Variants in UGT2B17 observed in about 807,000 individuals in gnomAD.
UGT2B17 encodes the protein UDP glucuronosyltransferase family 2 member B17.
A neutral mutation model predicts 48.2 loss-of-function variants in UGT2B17; 21 were observed. The observed-to-expected ratio is 0.44, with a 90% CI of 0.31 to 0.63. The LOEUF (loss-of-function observed/expected upper bound fraction) is 0.63, where lower values mean the gene tolerates loss of function less well. Ranked by LOEUF, UGT2B17 falls within the 20% of genes least tolerant of loss-of-function variation. The pLI, the probability that UGT2B17 is intolerant of heterozygous loss-of-function variation, is 0.08. For synonymous variants in UGT2B17, 146 were observed against 238.4 expected (o/e 0.61, Z 3.57); for missense variants, 402 against 696.1 (o/e 0.58, Z 4.75).
At chr4:68,557,689 A>G (rs1199377250) in intron 4 of UGT2B17, among the ~76,000 whole-genome samples, 4 of 127,624 alleles carry the variant, frequency 3.1e-5, no homozygotes, top group African/African-American at 1.1e-4. Flanking sequence ...ACTTTTGTCA[A>G]TACAGTTATT....
intron 4 of UGT2B17, among the ~76,000 whole-genome samples, chr4:68,554,324 C>T (rs1268131715): frequency 1.6e-5 from 2 of 126,232 alleles, no homozygotes; most frequent in African/African-American, 2.7e-5. Flanking sequence ...TTTATGACAC[C>T]TCTACTTGGC....
Position 68,562,112 on chromosome 4 carries a change from T to TTTTATTTA in UGT2B17, c.874-1452_874-1445dup, listed in dbSNP as rs902678898. ...TATGACATCTTTTATTTTTATTTTA[T>TTTTATTTA]TTTATTTATTTATTTATTTTTGAGA... is the stretch of plus-strand genomic sequence containing the variant. On this transcript the variant is annotated intron_variant, in intron 3 of 6. Coordinates refer to ENST00000317746, the MANE Select transcript of UGT2B17 (RefSeq NM_001077.4). 2.2e-4 allele frequency among the ~76,000 whole-genome samples: 27 copies of TTTTATTTA among 125,088 alleles called. 7 individuals are homozygous for TTTTATTTA. The highest frequency in any genetic ancestry group is 4.2e-4 in the Non-Finnish European group (25 of 59,304). The allele number at this position is 125,088 out of a possible 152,430, so 82.1% of individuals were successfully genotyped here.
At chr4:68,564,292 A>ATTTTTTTTTT (rs1341012731) in intron 3 of UGT2B17, among the ~76,000 whole-genome samples, 2 of 85,002 alleles carry the variant, frequency 2.4e-5, no homozygotes, top group African/African-American at 1.2e-4. Flanking sequence ...ATATATATAT[A>ATTTTTTTTTT]TATTTTTTTT....
rs1409136905 is a variant in UGT2B17, at chr4:68,556,256, AATATT to A, written c.1005+4276_1005+4280del. Among the ~76,000 whole-genome samples, 3 of 119,950 alleles carry A rather than the reference AATATT, an allele frequency of 2.5e-5. 1 individual carries two copies. The highest frequency in any genetic ancestry group is 9.0e-5 in the African/African-American group (3 of 33,472). 78.7% of individuals were successfully genotyped at this position (119,950 alleles called of 152,430 possible). A position where few individuals can be genotyped will look rare whatever the true frequency, so the allele number is the denominator to read the frequency against. The stretch of plus-strand genomic sequence containing the variant: ...TCTTAAGGGATTGATTTACTCTTAA[AATATT>A]ATGAGTTTTTTTTTTTTAACCCAAA... On this transcript the variant is annotated intron_variant, in intron 4 of 6. Transcript: ENST00000317746.
In UGT2B17 at chr4:68,553,989, G is replaced by C. The variant is rs1437361748; in HGVS notation, c.1006-2078C>G. Among the ~76,000 whole-genome samples the C allele has an allele frequency of 1.6e-5, 2 of 124,898 alleles. 1 individual carries two copies. Among genetic ancestry groups the C allele is most frequent in the Non-Finnish European group, 3.4e-5 (2 of 59,176 alleles). 81.9% of individuals were successfully genotyped at this position (124,898 alleles called of 152,430 possible). Reference sequence around the variant, plus strand: ...GTTTGACCCCCTATGACATGCAGTGGTCCTGCAGGGAAATCCCCAAGAAAA... The same window carrying C: ...GTTTGACCCCCTATGACATGCAGTGCTCCTGCAGGGAAATCCCCAAGAAAA... On this transcript the variant is annotated intron_variant, in intron 4 of 6. Transcript: ENST00000317746.
At chr4:68,544,493 C>T (rs774215989) in intron 6 of UGT2B17, among the ~76,000 whole-genome samples, 1 of 126,052 alleles carries the variant, frequency 7.9e-6, no homozygotes, top group Non-Finnish European at 1.7e-5. Flanking sequence ...CAAAAACATG[C>T]CAAATGATAA....
Position 68,570,588 on chromosome 4 carries a change from G to A in UGT2B17, c.-64-2040C>T, listed in dbSNP as rs1731283466. ...CTTTTGAGACTCTCACTTTTTATTA[G>A]TGGGAGTTCTCACTCATTTTTTTAC... On this transcript the variant is annotated intron_variant, in intron 1 of 6. Coordinates refer to ENST00000317746, the MANE Select transcript of UGT2B17 (RefSeq NM_001077.4). 1.6e-5 allele frequency among the ~76,000 whole-genome samples: 2 copies of A among 125,622 alleles called. 1 individual carries two copies. The highest frequency in any genetic ancestry group is 7.2e-4 in the South Asian group (2 of 2,784). 82.4% of individuals were successfully genotyped at this position (125,622 alleles called of 152,430 possible). A position where few individuals can be genotyped will look rare whatever the true frequency, so the allele number is the denominator to read the frequency against.
Position 68,567,998 on chromosome 4 carries a change from C to G in UGT2B17, c.487G>C (p.Glu163Gln), listed in dbSNP as rs538031772. The G allele has an allele frequency of 8.7e-6, 12 of 1,382,106 alleles. 2 individuals carry two copies. The African/African-American group carries it at 1.5e-4, about 17-fold the overall frequency. The allele number at this position is 1,382,106 out of a possible 1,614,324, so 85.6% of individuals were successfully genotyped here. A position where few individuals can be genotyped will look rare whatever the true frequency, so the allele number is the denominator to read the frequency against. ...TACAGAAAGGGTATGTTAAGTAGCT[C>G]AGCCAGCAGCTCACCACAGGGATTA... ...AVNPCGELLA[E>Q]LLNIPFLYSL... Residue 163 changes from glutamate to glutamine, a missense_variant, in exon 2 of 7, where the codon GAG becomes CAG. Glu to Gln is a conservative substitution (Grantham distance 29). Around this residue, in one of 5 missense-constraint regions of UGT2B17, gnomAD observed 84 missense variants for 92.6 expected, o/e 0.91. Transcript: ENST00000317746.
Position 68,568,184 on chromosome 4 carries a change from T to C in UGT2B17, c.301A>G (p.Ile101Val). 6.5e-6 allele frequency: 9 copies of C among 1,379,098 alleles called. 2 individuals are homozygous for C. Among genetic ancestry groups the C allele is most frequent in the Non-Finnish European group, 6.6e-6 (7 of 1,053,544 alleles). The allele number at this position is 1,379,098 out of a possible 1,614,324, so 85.4% of individuals were successfully genotyped here. ...TATGACCAAAATGTATTTTTTGAAA[T>C]ACTATATGTCCATCTATCGAACATT... ...MKMFDRWTYSISKNTFWSYFS... is the reference protein window; with the variant it reads ...MKMFDRWTYSVSKNTFWSYFS... Residue 101 changes from isoleucine to valine, a missense_variant, in exon 2 of 7, where the codon ATT (isoleucine) becomes GTT (valine). Transcript: ENST00000317746.
intron 4 of UGT2B17, among the ~76,000 whole-genome samples, chr4:68,552,354 A>T (rs1437466967): frequency 8.0e-6 from 1 of 125,778 alleles, no homozygotes; most frequent in African/African-American, 2.7e-5. Flanking sequence ...TCTCCTATCT[A>T]CCTATGACCT....
At chr4:68,541,807 G>A (rs1363354837) in intron 6 of UGT2B17, among the ~76,000 whole-genome samples, 3 of 126,580 alleles carry the variant, frequency 2.4e-5, no homozygotes, top group African/African-American at 5.4e-5. Context: ...AATCCATCTT[G>A]AGTTAATTTT....
rs1329254519 is a variant in UGT2B17, at chr4:68,564,040, T to C, written c.873+1532A>G. 2.4e-5 allele frequency among the ~76,000 whole-genome samples: 3 copies of C among 124,492 alleles called. 1 individual carries two copies. Among genetic ancestry groups the C allele is most frequent in the Admixed American group, 8.4e-5 (1 of 11,974 alleles). 81.7% of individuals were successfully genotyped at this position (124,492 alleles called of 152,430 possible). A position where few individuals can be genotyped will look rare whatever the true frequency, so the allele number is the denominator to read the frequency against. ...TAAGTGTTTTATCTGTGGTAACTAC[T>C]TTTTTCCACACAACACAATATGAAG... On this transcript the variant is annotated intron_variant, in intron 3 of 6. Coordinates refer to ENST00000317746, the MANE Select transcript of UGT2B17 (RefSeq NM_001077.4).
rs1240112272 is a variant in UGT2B17, at chr4:68,550,711, G to A, written c.1279C>T (p.Leu427Phe). ...TTAATGACTGACTTCAATGCATTGA[G>A]CAAATCTCTACTTGACATGGTCCTG... Reference protein sequence around the residue: ...DIRTMSSRDLLNALKSVINDP... With the variant: ...DIRTMSSRDLFNALKSVINDP... The change falls in exon 6 of 7, where the codon CTC becomes TTC. Residue 427 changes from leucine (L) to phenylalanine (F), a missense_variant. Around this residue, in one of 5 missense-constraint regions of UGT2B17, gnomAD observed 156 missense variants for 258.6 expected, o/e 0.60. Coordinates refer to ENST00000317746, the MANE Select transcript of UGT2B17 (RefSeq NM_001077.4). The A allele has an allele frequency of 1.5e-6, 2 of 1,378,578 alleles. No individual in the cohort carries two copies. Among genetic ancestry groups the A allele is most frequent in the Admixed American group, 2.0e-5 (1 of 49,962 alleles). 85.4% of individuals were successfully genotyped at this position (1,378,578 alleles called of 1,614,324 possible).
At chr4:68,562,379 G>C (rs10025125) in intron 3 of UGT2B17, among the ~76,000 whole-genome samples, 21,770 of 124,860 alleles carry the variant, frequency 0.17, 7,405 homozygotes, top group African/African-American at 0.5. Flanking sequence ...TCCCAAAGTG[G>C]TGGGATTACA....
chr4:68,567,021 A>T (rs2109776915), intron 2 of UGT2B17, among the ~76,000 whole-genome samples: 1 of 122,730 alleles, frequency 8.1e-6, no homozygotes, highest in African/African-American at 2.8e-5. Flanking sequence ...TTAGATTTTT[A>T]AAATAAATAT....
intron 6 of UGT2B17, among the ~76,000 whole-genome samples, chr4:68,546,999 G>A (rs1256720230): frequency 8.0e-6 from 1 of 124,630 alleles, no homozygotes; most frequent in Non-Finnish European, 1.7e-5. Context: ...CGGCCATACT[G>A]CCCAAGGTAA....
chr4:68,558,381 T>A lies in UGT2B17; in HGVS notation c.1005+2156A>T, dbSNP rs1731041807. 2.4e-5 allele frequency among the ~76,000 whole-genome samples: 3 copies of A among 125,836 alleles called. 1 individual carries two copies. In the South Asian group the frequency reaches 1.1e-3, roughly 46 times the overall value. The allele number at this position is 125,836 out of a possible 152,430, so 82.6% of individuals were successfully genotyped here. On this transcript the variant is annotated intron_variant, in intron 4 of 6. Transcript: ENST00000317746. Reference sequence around the variant, plus strand: ...CTCCCCTTCCACAATTTTTCCTAATTTGGAGTCACTGTAAACTAAGCTATG... The same window carrying A: ...CTCCCCTTCCACAATTTTTCCTAATATGGAGTCACTGTAAACTAAGCTATG...
rs1339887230 is a variant in UGT2B17, at chr4:68,537,507, A to G, written c.*118T>C. The stretch of plus-strand genomic sequence containing the variant: ...AAAATAAATTTTGACTTAACAGGGT[A>G]AGTTGTGAAAAGACGTTTTGTCGCA... On this transcript the variant is annotated 3_prime_UTR_variant, in exon 7 of 7. Coordinates refer to ENST00000317746, the MANE Select transcript of UGT2B17 (RefSeq NM_001077.4). 1.1e-6 allele frequency: 1 copy of G among 905,980 alleles called. No homozygotes were observed. The highest frequency in any genetic ancestry group is 1.5e-6 in the Non-Finnish European group (1 of 688,814). 56.1% of individuals were successfully genotyped at this position (905,980 alleles called of 1,614,324 possible). A position where few individuals can be genotyped will look rare whatever the true frequency, so the allele number is the denominator to read the frequency against.
chr4:68,565,215 C>T (rs774784180), intron 3 of UGT2B17, among the ~76,000 whole-genome samples: 3 of 125,736 alleles, frequency 2.4e-5, no homozygotes, highest in Non-Finnish European at 5.0e-5. Flanking sequence ...GGCATGAGGG[C>T]GCAGAAACTG....
Sources: gnomAD v4.1 joint callset for allele counts (sites outside exome capture counted in the v4.1 genomes callset) on GRCh38, gnomAD v4.1.1 for gene constraint, gnomAD v4.1.1 regional missense constraint, MANE v1.5 for transcripts, NCBI Gene and HGNC (gene_info 2026-07-23, HGNC 2026-07-21) for gene names.